Variants in ANKRD33B observed in about 807,000 individuals in gnomAD.
ANKRD33B encodes ankyrin repeat domain-containing protein 33B.
Under a neutral mutation model 21.5 loss-of-function variants are expected in ANKRD33B, and 6 were observed. The observed-to-expected ratio is 0.28, with a 90% CI of 0.15 to 0.55. ANKRD33B has a LOEUF of 0.55. Among genes scored for constraint, ANKRD33B ranks in the 20% least tolerant of loss-of-function variants. The pLI is 0.94. For missense variants in ANKRD33B, 698 were observed against 747.2 expected (o/e 0.93, Z 0.77); for synonymous variants, 347 against 342.4 (o/e 1.01, Z -0.15).
intron 3 of ANKRD33B, among the ~76,000 whole-genome samples, chr5:10,642,967 C>T (rs547758258): frequency 3.3e-5 from 5 of 152,162 alleles, no homozygotes; most frequent in East Asian, 3.9e-4. Flanking sequence ...TGCAGTGGCG[C>T]GATCTCGGTT....
intron 2 of ANKRD33B, among the ~76,000 whole-genome samples, chr5:10,629,585 A>T (rs1736659500): frequency 6.6e-6 from 1 of 152,176 alleles, no homozygotes; most frequent in Non-Finnish European, 1.5e-5. Flanking sequence ...GTAGACAGAT[A>T]CTCAGGTAAA....
intron 2 of ANKRD33B, among the ~76,000 whole-genome samples, chr5:10,621,032 A>T (rs190199285): frequency 1.4e-3 from 208 of 152,290 alleles, no homozygotes; most frequent in Admixed American, 2.5e-3. Context: ...CTCATTTTTT[A>T]AAAATCTCGT....
At chr5:10,608,344 C>T (rs547197806) in intron 1 of ANKRD33B, among the ~76,000 whole-genome samples, 4 of 143,398 alleles carry the variant, frequency 2.8e-5, no homozygotes, top group South Asian at 4.4e-4. Flanking sequence ...GGCAACAGAG[C>T]GAGACTCCAT....
chr5:10,601,563 T>C (rs1447242153), intron 1 of ANKRD33B, among the ~76,000 whole-genome samples: 1 of 152,228 alleles, frequency 6.6e-6, no homozygotes, highest in East Asian at 1.9e-4. Context: ...CTCTGCCTCC[T>C]TCCCCAGACT....
rs549772841 is a variant in ANKRD33B, at chr5:10,650,148, G to T, written c.*35G>T. On this transcript the variant is annotated 3_prime_UTR_variant, in exon 4 of 4. Coordinates refer to ENST00000296657, the MANE Select transcript of ANKRD33B (RefSeq NM_001164440.2). ...TGCCTGGCGCTGGGGCCGGGGCTGG[G>T]GCCGGGGCGGGGCCGCAGGGCTGGG... 1.0e-4 allele frequency: 144 copies of T among 1,444,376 alleles called. No homozygotes were observed. In the African/African-American group the frequency reaches 1.8e-3, roughly 18 times the overall value. 89.5% of individuals were successfully genotyped at this position (1,444,376 alleles called of 1,614,324 possible).
intron 1 of ANKRD33B, among the ~76,000 whole-genome samples, chr5:10,568,123 A>T (rs185491217): frequency 1.6e-3 from 249 of 152,330 alleles, no homozygotes; most frequent in South Asian, 3.5e-3. Context: ...GATTGGTAGA[A>T]TGTTGGATGT....
chr5:10,590,817 C>T (rs1735669169), intron 1 of ANKRD33B, among the ~76,000 whole-genome samples: 1 of 152,116 alleles, frequency 6.6e-6, no homozygotes, highest in South Asian at 2.1e-4. Context: ...CAGCCTTACT[C>T]AGCAAATGCC....
intron 1 of ANKRD33B, among the ~76,000 whole-genome samples, chr5:10,589,590 T>G (rs1410140791): frequency 6.6e-6 from 1 of 152,254 alleles, no homozygotes; most frequent in East Asian, 1.9e-4. Context: ...ATCACATGTT[T>G]ACTAGCCCTT....
At chr5:10,607,369 C>G (rs1268912144) in intron 1 of ANKRD33B, among the ~76,000 whole-genome samples, 4 of 152,146 alleles carry the variant, frequency 2.6e-5, no homozygotes, top group Non-Finnish European at 5.9e-5. Context: ...GCAGTCAAGT[C>G]AAGAAAAGGG....
chr5:10,623,137 G>A (rs1381995900), intron 2 of ANKRD33B, among the ~76,000 whole-genome samples: 2 of 152,152 alleles, frequency 1.3e-5, no homozygotes, highest in Non-Finnish European at 2.9e-5. Flanking sequence ...TCAGGGGGAA[G>A]GTGGCCTCGG....
chr5:10,634,092 C>A (rs1191652937), intron 2 of ANKRD33B, among the ~76,000 whole-genome samples: 2 of 152,184 alleles, frequency 1.3e-5, no homozygotes, highest in African/African-American at 2.4e-5. Flanking sequence ...CAGATTGTCT[C>A]CTATAATTTT....
rs956245127 is a variant in ANKRD33B at position 10,619,170 on chromosome 5, C to A, written c.496+708C>A. ...ACAGTGGTCTTGACCAGGTTTATCA[C>A]TGACCCCTTTCACATTTCTTTGCCT... On this transcript the variant is annotated intron_variant, in intron 2 of 3. Coordinates refer to ENST00000296657, the MANE Select transcript of ANKRD33B (RefSeq NM_001164440.2). This position sits in a 1 kb window ranked among gnomAD's most constrained non-coding sequence, Gnocchi z 4.5. The A allele has an allele frequency of 3.3e-6, 1 of 299,516 alleles. No individual in the cohort carries two copies. Among genetic ancestry groups the A allele is most frequent in the Non-Finnish European group, 4.9e-6 (1 of 202,874 alleles). 18.6% of individuals were successfully genotyped at this position (299,516 alleles called of 1,614,324 possible).
Position 10,564,331 on chromosome 5 carries a change from G to T in ANKRD33B, c.-137G>T, listed in dbSNP as rs922326717. 186 of 552,350 alleles carry T rather than the reference G, an allele frequency of 3.4e-4. No individual in the cohort carries two copies. The highest frequency in any genetic ancestry group is 4.2e-4 in the Non-Finnish European group (179 of 430,542). The allele number at this position is 552,350 out of a possible 1,614,324, so 34.2% of individuals were successfully genotyped here. A position where few individuals can be genotyped will look rare whatever the true frequency, so the allele number is the denominator to read the frequency against. Reference sequence around the variant, plus strand: ...CTTTGAGCGCAGCCGCCTGGTGCCGGTTTCCGCCGAGCTGGAGCGCGCGGG... The same window carrying T: ...CTTTGAGCGCAGCCGCCTGGTGCCGTTTTCCGCCGAGCTGGAGCGCGCGGG... On this transcript the variant is annotated 5_prime_UTR_variant, in exon 1 of 4. Transcript: ENST00000296657.
intron 3 of ANKRD33B, among the ~76,000 whole-genome samples, chr5:10,642,181 G>T (rs1737077752): frequency 6.6e-6 from 1 of 152,122 alleles, no homozygotes; most frequent in Non-Finnish European, 1.5e-5. Context: ...TCTTCCCTGG[G>T]TCTCCTGGGG....
intron 2 of ANKRD33B, among the ~76,000 whole-genome samples, chr5:10,628,802 A>G (rs566016138): frequency 6.6e-6 from 1 of 152,268 alleles, no homozygotes; most frequent in East Asian, 1.9e-4. Flanking sequence ...GGGAACCCAT[A>G]TATGCATGGG....
Position 10,654,772 on chromosome 5 carries a change from G to A in ANKRD33B, c.*4659G>A, listed in dbSNP as rs1044234130. On this transcript the variant is annotated 3_prime_UTR_variant, in exon 4 of 4. Coordinates refer to ENST00000296657, the MANE Select transcript of ANKRD33B (RefSeq NM_001164440.2). ...CTTCCCTCCAGAACCGGCCGCTCCCGGTCTGACGTTGGAGCACGTGAACTA... is the reference window on the plus strand; with the variant it reads ...CTTCCCTCCAGAACCGGCCGCTCCCAGTCTGACGTTGGAGCACGTGAACTA... 17 of 152,462 alleles carry A rather than the reference G, an allele frequency of 1.1e-4. No homozygotes were observed. Among genetic ancestry groups the A allele is most frequent in the East Asian group, 1.9e-4 (1 of 5,338 alleles). 9.4% of individuals were successfully genotyped at this position (152,462 alleles called of 1,614,324 possible).
chr5:10,623,473 C>T (rs1332184394), intron 2 of ANKRD33B, among the ~76,000 whole-genome samples: 3 of 152,220 alleles, frequency 2.0e-5, no homozygotes, highest in Non-Finnish European at 2.9e-5. Context: ...AAGCAGCTCT[C>T]TGGGGCCTCT....
At chr5:10,589,755 G>T (rs1300747339) in intron 1 of ANKRD33B, among the ~76,000 whole-genome samples, 1 of 152,004 alleles carries the variant, frequency 6.6e-6, no homozygotes, top group Admixed American at 6.6e-5. Context: ...ATCTTGTTTG[G>T]GGTTTATAGA....
rs576517265 is a variant in ANKRD33B, at chr5:10,649,894, G to A, written c.1266G>A (p.Val422=). The change falls in exon 4 of 4, where the codon GTG becomes GTA. Residue 422 remains valine (V), a synonymous_variant. Coordinates refer to ENST00000296657, the MANE Select transcript of ANKRD33B (RefSeq NM_001164440.2). Reference sequence around the variant, plus strand: ...GGAGAAGCGTGCGGCCCGGTGTGGTGGTGCCCCGGGTCCGAGTCAGCAAGG... The same window carrying A: ...GGAGAAGCGTGCGGCCCGGTGTGGTAGTGCCCCGGGTCCGAGTCAGCAAGG... ...LRRRSVRPGV[V]VPRVRVSKAP... is the part of the protein sequence containing the mutation. 2,045 of 1,513,108 alleles carry A rather than the reference G, an allele frequency of 1.4e-3. 12 individuals carry two copies. Among genetic ancestry groups the A allele is most frequent in the African/African-American group, 0.01 (713 of 70,250 alleles). The allele number at this position is 1,513,108 out of a possible 1,614,324, so 93.7% of individuals were successfully genotyped here.
Sources: gnomAD v4.1 joint callset for allele counts (sites outside exome capture counted in the v4.1 genomes callset) on GRCh38, gnomAD v4.1.1 for gene constraint, Gnocchi (gnomAD v3.1) non-coding constraint, MANE v1.5 for transcripts, NCBI Gene and HGNC (gene_info 2026-07-23, HGNC 2026-07-21) for gene names.